Variants in ATRNL1 observed in about 807,000 individuals in gnomAD.
ATRNL1 encodes the protein attractin-like protein 1.
In ATRNL1, 95 loss-of-function variants were observed where a neutral mutation model predicts 182.7. The observed-to-expected ratio is 0.52, with a 90% CI of 0.44 to 0.62. The LOEUF (loss-of-function observed/expected upper bound fraction) is 0.62, where lower values mean the gene tolerates loss of function less well. Among genes scored for constraint, ATRNL1 ranks in the 20% least tolerant of loss-of-function variants. The pLI, the probability that ATRNL1 is intolerant of heterozygous loss-of-function variation, is 0.00. For missense variants in ATRNL1, 1,471 were observed against 1,679.5 expected (o/e 0.88, Z 2.17); for synonymous variants, 576 against 568.3 (o/e 1.01, Z -0.19).
chr10:115,736,965 C>A (rs1366027576), intron 27 of ATRNL1, among the ~76,000 whole-genome samples: 2 of 151,754 alleles, frequency 1.3e-5, no homozygotes, highest in African/African-American at 4.8e-5. Context: ...GTTTTCTTAC[C>A]GTGTGAGTTG....
rs563676097 is a variant in ATRNL1 at position 115,241,468 on chromosome 10, C to G, written c.1533-103C>G. ...AAATATGTTTTTTTCCCCCACAATTCCAGGGAAACCTCTATATGCAAAGTA... is the reference window on the plus strand; with the variant it reads ...AAATATGTTTTTTTCCCCCACAATTGCAGGGAAACCTCTATATGCAAAGTA... On this transcript the variant is annotated intron_variant, in intron 9 of 28. Transcript: ENST00000355044. The G allele has an allele frequency of 6.3e-6, 4 of 638,546 alleles. No individual in the cohort carries two copies. The South Asian group carries it at 1.9e-4, about 31-fold the overall frequency. The allele number at this position is 638,546 out of a possible 1,614,324, so 39.6% of individuals were successfully genotyped here. A position where few individuals can be genotyped will look rare whatever the true frequency, so the allele number is the denominator to read the frequency against.
At chr10:115,940,361 T>C (rs1953689818) in intron 28 of ATRNL1, among the ~76,000 whole-genome samples, 1 of 152,184 alleles carries the variant, frequency 6.6e-6, no homozygotes, top group Non-Finnish European at 1.5e-5. Flanking sequence ...CATGGGTTAT[T>C]AGTAGAGATA....
At chr10:115,768,256 A>G (rs1555075502) in intron 27 of ATRNL1, among the ~76,000 whole-genome samples, 1 of 152,166 alleles carries the variant, frequency 6.6e-6, no homozygotes, top group Non-Finnish European at 1.5e-5. Context: ...GCTAATGTAC[A>G]TAAATTTTCA....
At chr10:115,695,033 A>G (rs1946514878) in intron 26 of ATRNL1, among the ~76,000 whole-genome samples, 1 of 152,068 alleles carries the variant, frequency 6.6e-6, no homozygotes, top group African/African-American at 2.4e-5. Flanking sequence ...GATTTAGTTA[A>G]TATTTCCTAA....
At chr10:115,371,405 T>G (rs1296202637) in intron 19 of ATRNL1, among the ~76,000 whole-genome samples, 1 of 152,202 alleles carries the variant, frequency 6.6e-6, no homozygotes, top group East Asian at 1.9e-4. Context: ...GGAGGGAAGC[T>G]GTACCCTGTA....
chr10:115,820,776 G>T (rs1418415301), intron 27 of ATRNL1, among the ~76,000 whole-genome samples: 1 of 152,042 alleles, frequency 6.6e-6, no homozygotes, highest in African/African-American at 2.4e-5. Context: ...TGTCACTTCT[G>T]TCTCACCCCT....
chr10:115,662,048 A>G (rs1159582622), intron 26 of ATRNL1, among the ~76,000 whole-genome samples: 2 of 151,528 alleles, frequency 1.3e-5, no homozygotes, highest in Non-Finnish European at 2.9e-5. Context: ...TTGTCCTTGC[A>G]ATACTTTGCT....
At chr10:115,935,729 TA>T (rs1182884623) in intron 28 of ATRNL1, among the ~76,000 whole-genome samples, 2 of 152,352 alleles carry the variant, frequency 1.3e-5, no homozygotes, top group Admixed American at 6.5e-5. Context: ...ATAATGAATG[TA>T]AAAGCATTTT....
intron 6 of ATRNL1, among the ~76,000 whole-genome samples, chr10:115,162,939 G>A (rs1209755813): frequency 6.6e-6 from 1 of 151,826 alleles, no homozygotes; most frequent in Non-Finnish European, 1.5e-5. Context: ...GATTTAGCAT[G>A]AGGAAATTGA....
chr10:115,651,562 T>C (rs1860004180), intron 26 of ATRNL1, among the ~76,000 whole-genome samples: 1 of 152,170 alleles, frequency 6.6e-6, no homozygotes, highest in Admixed American at 6.5e-5. Context: ...TTTATCCTAC[T>C]TCATGTTTGT....
At chr10:115,371,142 A>G (rs117549334) in intron 19 of ATRNL1, among the ~76,000 whole-genome samples, 427 of 152,294 alleles carry the variant, frequency 2.8e-3, no homozygotes, top group Non-Finnish European at 4.6e-3. Flanking sequence ...CAGAGGATGT[A>G]TAGAAATGCC....
At chr10:115,713,705 C>CTATCATCT (rs1555055340) in intron 26 of ATRNL1, among the ~76,000 whole-genome samples, 10,773 of 99,514 alleles carry the variant, frequency 0.11, 519 homozygotes, top group Middle Eastern at 0.12. Context: ...ATCTATCTAT[C>CTATCATCT]ATCTATCTAT....
intron 1 of ATRNL1, among the ~76,000 whole-genome samples, chr10:115,110,984 ATAT>A (rs1554867844): frequency 9.2e-5 from 14 of 152,328 alleles, no homozygotes; most frequent in African/African-American, 3.1e-4. Context: ...GGCATTTTAG[ATAT>A]CTGATTTATT....
At chr10:115,274,944 C>G (rs1211265967) in intron 13 of ATRNL1, among the ~76,000 whole-genome samples, 3 of 152,298 alleles carry the variant, frequency 2.0e-5, no homozygotes, top group African/African-American at 7.2e-5. Context: ...ATCCATCTGT[C>G]TTCTGCATAG....
intron 21 of ATRNL1, 56 bp from the exon 22 acceptor site, chr10:115,461,885 T>C: frequency 1.6e-6 from 2 of 1,282,554 alleles, no homozygotes; most frequent in Non-Finnish European, 2.2e-6. Context: ...TAAATTTTGC[T>C]TTTTAGACAG....
intron 1 of ATRNL1, among the ~76,000 whole-genome samples, chr10:115,102,033 T>C (rs782422875): frequency 1.6e-4 from 24 of 152,238 alleles, no homozygotes; most frequent in Non-Finnish European, 3.1e-4. Flanking sequence ...ACTTGGTTGA[T>C]AGTCTTGTTC....
intron 8 of ATRNL1, among the ~76,000 whole-genome samples, chr10:115,194,627 G>A (rs184822710): frequency 2.0e-5 from 3 of 151,408 alleles, no homozygotes; most frequent in Admixed American, 2.0e-4. Context: ...CATGTAGTGG[G>A]GTCTTATTTT....
chr10:115,549,396 G>T, intron 25 of ATRNL1, 62 bp from the exon 26 acceptor site: 1 of 1,267,582 alleles, frequency 7.9e-7, no homozygotes, highest in Non-Finnish European at 1.1e-6. Context: ...TTCATGTACT[G>T]TTTTTTCATT....
In ATRNL1 at chr10:115,671,632, A is replaced by T. The variant is rs148065242; in HGVS notation, c.3796-55616A>T. 3.0e-3 allele frequency among the ~76,000 whole-genome samples: 451 copies of T among 152,248 alleles called. 7 individuals carry two copies. Among genetic ancestry groups the T allele is most frequent in the Non-Finnish European group, 2.5e-3 (169 of 67,992 alleles). ...ATCAGGTTGTTAGGTAAGGACAAAG[A>T]TGAGAGCATGAGTAATAGAATTTGT... On this transcript the variant is annotated intron_variant, in intron 26 of 28. Coordinates refer to ENST00000355044, the MANE Select transcript of ATRNL1 (RefSeq NM_207303.4).
Sources: gnomAD v4.1 joint callset for allele counts (sites outside exome capture counted in the v4.1 genomes callset) on GRCh38, gnomAD v4.1.1 for gene constraint, MANE v1.5 for transcripts, NCBI Gene and HGNC (gene_info 2026-07-23, HGNC 2026-07-21) for gene names.